The following AMTN variants were observed in gnomAD, a reference collection of about 807,000 sequenced individuals.
The protein encoded by AMTN is amelotin.
AMTN carries 29 observed loss-of-function variants against 27.4 expected under a neutral mutation model. The observed-to-expected ratio is 1.06, with a 90% CI of 0.79 to 1.44. AMTN has a LOEUF of 1.44. Among genes scored for constraint, AMTN ranks in the 40% most tolerant of loss-of-function variants. The pLI is 0.00. For missense variants in AMTN, 247 were observed against 248.8 expected (o/e 0.99, Z 0.05); for synonymous variants, 86 against 95.7 (o/e 0.90, Z 0.59).
At chr4:70,522,873 G>A (rs1012710819) in intron 3 of AMTN, 35 bp downstream of exon 3, 14 of 1,591,018 alleles carry the variant, frequency 8.8e-6, no homozygotes, top group Admixed American at 1.7e-5. Context: ...TGTACAAACC[G>A]GTAAAGAAAA....
rs766375687 is a variant in AMTN at position 70,531,157 on chromosome 4, G to A, written c.476G>A (p.Gly159Asp). 2 of 1,614,036 alleles carry A rather than the reference G, an allele frequency of 1.2e-6. No homozygotes were observed. Among genetic ancestry groups the A allele is most frequent in the East Asian group, 2.2e-5 (1 of 44,842 alleles). Reference sequence around the variant, plus strand: ...GGAAGCCTTCCAGCAGGAGGAGCAGGTGTAAATCCTGCCACCCAGGGAACC... The same window carrying A: ...GGAAGCCTTCCAGCAGGAGGAGCAGATGTAAATCCTGCCACCCAGGGAACC... ...QDGSLPAGGA[G>D]VNPATQGTPA... Residue 159 changes from glycine (G) to aspartate (D), a missense_variant, in exon 8 of 9, where the codon GGT becomes GAT. Coordinates refer to ENST00000339336, the MANE Select transcript of AMTN (RefSeq NM_212557.4).
In AMTN at chr4:70,524,846, T is replaced by C. The variant is rs777287163; in HGVS notation, c.205-26T>C. 3.1e-6 allele frequency: 5 copies of C among 1,605,660 alleles called. No individual in the cohort carries two copies. The Admixed American group carries it at 5.0e-5, about 16-fold the overall frequency. On this transcript the variant is annotated intron_variant, in intron 4 of 8. Coordinates refer to ENST00000339336, the MANE Select transcript of AMTN (RefSeq NM_212557.4). Reference sequence around the variant, plus strand: ...ATGTCCAAACTGAAAAAAAATACAATGAAAGTCTTCTTCCTTGCCCTACAG... The same window carrying C: ...ATGTCCAAACTGAAAAAAAATACAACGAAAGTCTTCTTCCTTGCCCTACAG...
chr4:70,519,504 T>A (rs1252713671), intron 2 of AMTN, among the ~76,000 whole-genome samples: 2 of 119,084 alleles, frequency 1.7e-5, no homozygotes, highest in Admixed American at 9.3e-5. Context: ...TGCTATGAAA[T>A]AACAGAATAA....
chr4:70,531,357 G>C, intron 8 of AMTN, 57 bp downstream of exon 8: 3 of 1,597,508 alleles, frequency 1.9e-6, no homozygotes, highest in Non-Finnish European at 2.6e-6. Context: ...CTGCAGAATG[G>C]AAAAGAGGAG....
chr4:70,531,094 C>T lies in AMTN; in HGVS notation c.413C>T (p.Pro138Leu), dbSNP rs777463563. 6.2e-7 allele frequency: 1 copy of T among 1,614,056 alleles called. No homozygotes were observed. The highest frequency in any genetic ancestry group is 8.5e-7 in the Non-Finnish European group (1 of 1,179,998). ...TCCTTGTTCCCGGGAGGCATCCTGC[C>T]CACCAGTCAGGCAGGGGCTAATCCA... is the stretch of plus-strand genomic sequence containing the variant. ...IHSLFPGGIL[P>L]TSQAGANPDV... Residue 138 changes from proline (P) to leucine (L), a missense_variant, in exon 8 of 9, where the codon CCC (proline) becomes CTC (leucine). Coordinates refer to ENST00000339336, the MANE Select transcript of AMTN (RefSeq NM_212557.4).
At chr4:70,521,424 T>A (rs1441670071) in intron 2 of AMTN, among the ~76,000 whole-genome samples, 3 of 118,830 alleles carry the variant, frequency 2.5e-5, no homozygotes, top group Non-Finnish European at 3.8e-5. Flanking sequence ...AGAAAAAAAA[T>A]TGGTAGTCAT....
intron 2 of AMTN, among the ~76,000 whole-genome samples, chr4:70,519,052 G>A (rs1735885812): frequency 6.6e-6 from 1 of 152,042 alleles, no homozygotes; most frequent in Non-Finnish European, 1.5e-5. Context: ...ACTCCATCGT[G>A]GTAAAAGGTC....
chr4:70,532,334 A>T, intron 8 of AMTN, 121 bp from the exon 9 acceptor site: 1 of 725,020 alleles, frequency 1.4e-6, no homozygotes, highest in Non-Finnish European at 2.2e-6. Context: ...ATCCTTAGAG[A>T]TAACTAAAGA....
At position 70,531,245 on chromosome 4, in the gene AMTN, A is replaced by G. The variant is rs774273937; in HGVS notation, c.564A>G (p.Ala188=). The G allele has an allele frequency of 6.2e-7, 1 of 1,614,060 alleles. No homozygotes were observed. Among genetic ancestry groups the G allele is most frequent in the Admixed American group, 1.7e-5 (1 of 60,016 alleles). Residue 188 remains alanine (A), a synonymous_variant, in exon 8 of 9, where the codon GCA becomes GCG. Coordinates refer to ENST00000339336, the MANE Select transcript of AMTN (RefSeq NM_212557.4). The part of the protein sequence containing the change: ...TDDDFAVTTP[A]GIQRSTHAIE... Reference sequence around the variant, plus strand: ...ACGACTTTGCAGTGACCACCCCTGCAGGCATCCAAAGGAGCACACATGCCA... The same window carrying G: ...ACGACTTTGCAGTGACCACCCCTGCGGGCATCCAAAGGAGCACACATGCCA...
chr4:70,532,713 T>A lies in AMTN; in HGVS notation c.*248T>A. 2.5e-6 allele frequency: 1 copy of A among 405,902 alleles called. No individual in the cohort carries two copies. Among genetic ancestry groups the A allele is most frequent in the Non-Finnish European group, 4.4e-6 (1 of 228,684 alleles). 25.1% of individuals were successfully genotyped at this position (405,902 alleles called of 1,614,324 possible). Reference sequence around the variant, plus strand: ...ATATAACATTATGCTGCCTGGATGATATGCATATTAAAACATATTTGGAAA... The same window carrying A: ...ATATAACATTATGCTGCCTGGATGAAATGCATATTAAAACATATTTGGAAA... On this transcript the variant is annotated 3_prime_UTR_variant, in exon 9 of 9. Transcript: ENST00000339336.
At chr4:70,531,360 AAG>A in intron 8 of AMTN, 60 bp downstream of exon 8, 1 of 1,596,876 alleles carries the variant, frequency 6.3e-7, no homozygotes, top group Non-Finnish European at 8.6e-7. Flanking sequence ...CAGAATGGAA[AAG>A]AGGAGTTCTT....
chr4:70,522,285 T>C (rs190895616), intron 2 of AMTN, among the ~76,000 whole-genome samples: 2 of 152,042 alleles, frequency 1.3e-5, no homozygotes, highest in African/African-American at 4.8e-5. Flanking sequence ...ACTAATAAAA[T>C]ATCCAGGCCA....
At chr4:70,527,822 A>G (rs1736130865) in intron 5 of AMTN, among the ~76,000 whole-genome samples, 1 of 152,002 alleles carries the variant, frequency 6.6e-6, no homozygotes, top group Non-Finnish European at 1.5e-5. Context: ...CCAACACCTC[A>G]CTCGAATCTT....
Position 70,518,830 on chromosome 4 carries a change from C to T in AMTN, c.53C>T (p.Pro18Leu), listed in dbSNP as rs762457474. ...FCLLGSTRSL[P>L]QLKPALGLPP... ...CTTCTAGGATCAACTCGGTCATTAC[C>T]AGTAAGTATGTTATGTTTGTTTTAT... The change falls in exon 2 of 9, where the codon CCA (proline) becomes CTA (leucine). Residue 18 changes from proline (P) to leucine (L), a missense_variant and splice_region_variant. Pro to Leu is a moderately conservative substitution (Grantham distance 98). Transcript: ENST00000339336. The T allele has an allele frequency of 1.2e-6, 2 of 1,608,026 alleles. No individual in the cohort carries two copies. Among genetic ancestry groups the T allele is most frequent in the South Asian group, 2.2e-5 (2 of 90,954 alleles).
intron 7 of AMTN, among the ~76,000 whole-genome samples, chr4:70,529,737 A>T (rs1352302042): frequency 6.6e-6 from 1 of 152,208 alleles, no homozygotes; most frequent in Non-Finnish European, 1.5e-5. Context: ...ATTCCTCCAT[A>T]GGTCCTTTTC....
chr4:70,532,591 T>C lies in AMTN; in HGVS notation c.*126T>C. The C allele has an allele frequency of 1.1e-6, 1 of 871,100 alleles. No homozygotes were observed. The highest frequency in any genetic ancestry group is 1.7e-6 in the Non-Finnish European group (1 of 573,334). The allele number at this position is 871,100 out of a possible 1,614,324, so 54.0% of individuals were successfully genotyped here. A position where few individuals can be genotyped will look rare whatever the true frequency, so the allele number is the denominator to read the frequency against. On this transcript the variant is annotated 3_prime_UTR_variant, in exon 9 of 9. Coordinates refer to ENST00000339336, the MANE Select transcript of AMTN (RefSeq NM_212557.4). ...GTCTTAGAAGAAATTAATTCTTAATTTACCTGAAAATATTCTTGAAATTTC... is the reference window on the plus strand; with the variant it reads ...GTCTTAGAAGAAATTAATTCTTAATCTACCTGAAAATATTCTTGAAATTTC...
intron 5 of AMTN, among the ~76,000 whole-genome samples, chr4:70,527,850 C>T (rs1223287307): frequency 6.6e-6 from 1 of 152,132 alleles, no homozygotes; most frequent in South Asian, 2.1e-4. Flanking sequence ...TTTTTGTGAA[C>T]TAAATTTATA....
At chr4:70,519,474 G>GA (rs1427984403) in intron 2 of AMTN, among the ~76,000 whole-genome samples, 2 of 151,572 alleles carry the variant, frequency 1.3e-5, no homozygotes, top group Non-Finnish European at 2.9e-5. Context: ...AGACCATTAA[G>GA]AAAAAAATTA....
chr4:70,521,703 T>A (rs1181713956), intron 2 of AMTN, among the ~76,000 whole-genome samples: 1 of 123,288 alleles, frequency 8.1e-6, no homozygotes, highest in Non-Finnish European at 1.6e-5. Flanking sequence ...CTCTGCAACC[T>A]CTGGCTCCCG....
Sources: allele counts gnomAD v4.1 joint callset (sites outside exome capture counted in the v4.1 genomes callset), GRCh38; gene constraint gnomAD v4.1.1; transcripts MANE v1.5; gene names NCBI Gene and HGNC (gene_info 2026-07-23, HGNC 2026-07-21).